The following MTCL2 variants were observed in gnomAD, a reference collection of about 807,000 sequenced individuals.
MTCL2 encodes microtubule crosslinking factor 2.
At chr20:36,799,682 CAAAAT>C in the MTCL2 span, among the ~76,000 whole-genome samples, 1 of 147,512 alleles carries the variant, frequency 6.8e-6, no homozygotes, top group African/African-American at 2.5e-5. Flanking sequence ...GACCTTGTCT[CAAAAT>C]AAGAAAAGAA....
At chr20:36,794,405 C>G in the MTCL2 span, 2 of 1,613,852 alleles carry the variant, frequency 1.2e-6, no homozygotes, top group Non-Finnish European at 1.7e-6. The surrounding 1 kb of genome is among the most constrained non-coding windows in gnomAD (Gnocchi z 5.4). Context: ...GGCCAGGGCA[C>G]CCAGGTGGTT....
the MTCL2 span, among the ~76,000 whole-genome samples, chr20:36,800,671 A>C: frequency 1.3e-5 from 2 of 152,384 alleles, no homozygotes; most frequent in Non-Finnish European, 1.5e-5. Flanking sequence ...AGAGAACATT[A>C]GGAAGAGGAA....
chr20:36,840,403 C>T, the MTCL2 span, among the ~76,000 whole-genome samples: 15 of 151,530 alleles, frequency 9.9e-5, no homozygotes, highest in African/African-American at 3.6e-4. Context: ...CTCCTGACCT[C>T]GTAATCAGCC....
the MTCL2 span, chr20:36,817,589 C>T: frequency 3.4e-6 from 3 of 874,760 alleles, no homozygotes; most frequent in Admixed American, 5.8e-5. Flanking sequence ...GTCCCCAGGC[C>T]ACCCCACCCT....
the MTCL2 span, chr20:36,793,439 T>C: frequency 6.4e-7 from 1 of 1,551,166 alleles, no homozygotes; most frequent in South Asian, 1.2e-5. The surrounding 1 kb of genome is among the most constrained non-coding windows in gnomAD (Gnocchi z 6.8). Flanking sequence ...GGTGCCCTCC[T>C]CTCCTGCTGA....
the MTCL2 span, chr20:36,808,393 C>G: frequency 4.2e-4 from 328 of 778,600 alleles, 3 homozygotes; most frequent in Middle Eastern, 1.4e-3. Context: ...AGGAAGGAAG[C>G]CTGCATGCTG....
chr20:36,810,365 A>T, the MTCL2 span, among the ~76,000 whole-genome samples: 48 of 152,330 alleles, frequency 3.2e-4, no homozygotes, highest in African/African-American at 1.1e-3. Flanking sequence ...TTAATAAGGT[A>T]CTGGGAAAAC....
At chr20:36,855,028 A>T in the MTCL2 span, among the ~76,000 whole-genome samples, 1 of 152,178 alleles carries the variant, frequency 6.6e-6, no homozygotes, top group African/African-American at 2.4e-5. Flanking sequence ...CAACACCCAC[A>T]GAGGGACACC....
At chr20:36,815,785 G>T in the MTCL2 span, 1 of 1,591,768 alleles carries the variant, frequency 6.3e-7, no homozygotes, top group South Asian at 1.1e-5. This position sits in a 1 kb window ranked among gnomAD's most constrained non-coding sequence, Gnocchi z 5.3. Context: ...GCCACGTCCA[G>T]CTCGTGCTCC....
the MTCL2 span, among the ~76,000 whole-genome samples, chr20:36,821,020 T>C: frequency 6.6e-6 from 1 of 152,162 alleles, no homozygotes; most frequent in South Asian, 2.1e-4. Context: ...CTATTATTTT[T>C]GAATAGATAA....
chr20:36,781,242 A>T, the MTCL2 span: 1 of 152,192 alleles, frequency 6.6e-6, no homozygotes, highest in Non-Finnish European at 1.5e-5. Context: ...TTATTGGTTA[A>T]AAGAAAGATG....
the MTCL2 span, among the ~76,000 whole-genome samples, chr20:36,831,548 C>T: frequency 6.6e-6 from 1 of 152,196 alleles, no homozygotes. Flanking sequence ...AAGCCCAGCT[C>T]GGCACGGACC....
At chr20:36,830,785 C>A in the MTCL2 span, among the ~76,000 whole-genome samples, 3 of 152,228 alleles carry the variant, frequency 2.0e-5, no homozygotes, top group East Asian at 5.8e-4. Flanking sequence ...GACAGGATAA[C>A]TGAACCAGCT....
chr20:36,849,792 C>T, the MTCL2 span, among the ~76,000 whole-genome samples: 1 of 152,314 alleles, frequency 6.6e-6, no homozygotes, highest in African/African-American at 2.4e-5. Context: ...AACCTTTGCA[C>T]GTGGCTCCAG....
the MTCL2 span, among the ~76,000 whole-genome samples, chr20:36,862,273 T>C: frequency 6.6e-6 from 1 of 152,132 alleles, no homozygotes; most frequent in African/African-American, 2.4e-5. Flanking sequence ...GGCGGCGGTG[T>C]CTATCAATCC....
chr20:36,815,838 T>C, the MTCL2 span: 1 of 1,598,392 alleles, frequency 6.3e-7, no homozygotes, highest in Admixed American at 1.7e-5. This position sits in a 1 kb window ranked among gnomAD's most constrained non-coding sequence, Gnocchi z 5.3. Flanking sequence ...CTTGTTCTGG[T>C]CCTCGAGCTC....
chr20:36,839,269 T>A, the MTCL2 span: 3 of 1,610,292 alleles, frequency 1.9e-6, no homozygotes, highest in African/African-American at 4.0e-5. The surrounding 1 kb of genome is among the most constrained non-coding windows in gnomAD (Gnocchi z 5.1). Context: ...CTGGCCGGTC[T>A]GGGCGGCACG....
At chr20:36,857,524 T>A in the MTCL2 span, among the ~76,000 whole-genome samples, 1 of 152,126 alleles carries the variant, frequency 6.6e-6, no homozygotes, top group Non-Finnish European at 1.5e-5. Flanking sequence ...GAACAGTATA[T>A]GTGCATTTGT....
the MTCL2 span, chr20:36,808,447 G>A: frequency 7.4e-7 from 1 of 1,359,374 alleles, no homozygotes; most frequent in Non-Finnish European, 1.0e-6. Flanking sequence ...TACCAGCTGG[G>A]CGTCCCTTCC....
Sources: gnomAD v4.1 joint callset for allele counts (sites outside exome capture counted in the v4.1 genomes callset) on GRCh38, gnomAD v4.1.1 for gene constraint, Gnocchi (gnomAD v3.1) non-coding constraint, MANE v1.5 for transcripts, NCBI Gene and HGNC (gene_info 2026-07-23, HGNC 2026-07-21) for gene names.